CNTNAP5: variants seen among roughly 807,000 people sequenced by gnomAD.
CNTNAP5 encodes the protein contactin associated protein family member 5, also known as contactin-associated protein-like 5.
CNTNAP5 carries 72 observed loss-of-function variants against 150.2 expected under a neutral mutation model. The ratio of observed to expected loss-of-function variants is 0.48; its 90% CI spans 0.40 to 0.58. The LOEUF (loss-of-function observed/expected upper bound fraction) is 0.58, where lower values mean the gene tolerates loss of function less well. Among genes scored for constraint, CNTNAP5 ranks in the 20% least tolerant of loss-of-function variants. The pLI is 0.00. For synonymous variants in CNTNAP5, 672 were observed against 619.8 expected (o/e 1.08, Z -1.25); for missense variants, 1,636 against 1,626.2 (o/e 1.01, Z -0.10).
At chr2:124,670,323 A>G (rs945868859) in intron 13 of CNTNAP5, among the ~76,000 whole-genome samples, 4 of 151,742 alleles carry the variant, frequency 2.6e-5, no homozygotes, top group Admixed American at 2.6e-4. Flanking sequence ...CTAATAATTA[A>G]TGATGTCAGG....
intron 1 of CNTNAP5, among the ~76,000 whole-genome samples, chr2:124,125,879 C>A (rs900542200): frequency 1.3e-5 from 2 of 152,112 alleles, no homozygotes; most frequent in Non-Finnish European, 2.9e-5. Context: ...AAAAAAGACA[C>A]AACATACCAG....
intron 3 of CNTNAP5, among the ~76,000 whole-genome samples, chr2:124,340,317 T>C (rs1213186164): frequency 2.6e-5 from 4 of 152,162 alleles, no homozygotes; most frequent in African/African-American, 7.2e-5. Context: ...TGAAGATGGT[T>C]TCATGTGCAC....
intron 3 of CNTNAP5, among the ~76,000 whole-genome samples, chr2:124,391,760 C>A (rs1691115152): frequency 3.3e-5 from 5 of 152,126 alleles, no homozygotes; most frequent in Admixed American, 3.3e-4. Flanking sequence ...TCGAGACCAT[C>A]CTGGCTAACA....
chr2:124,280,051 A>G (rs1022352858), intron 3 of CNTNAP5, among the ~76,000 whole-genome samples: 2 of 152,096 alleles, frequency 1.3e-5, no homozygotes, highest in Admixed American at 6.6e-5. Flanking sequence ...TCTCAACTAT[A>G]TCAGAAAATT....
intron 14 of CNTNAP5, among the ~76,000 whole-genome samples, chr2:124,762,889 G>A (rs1476180503): frequency 6.6e-6 from 1 of 151,842 alleles, no homozygotes; most frequent in Non-Finnish European, 1.5e-5. Context: ...ATTTTTTTGG[G>A]GGAAAAATAC....
chr2:124,396,004 C>T (rs1034263263), intron 3 of CNTNAP5, among the ~76,000 whole-genome samples: 1 of 152,106 alleles, frequency 6.6e-6, no homozygotes, highest in African/African-American at 2.4e-5. Context: ...GCACCAAGAC[C>T]CTAAAACAAG....
intron 19 of CNTNAP5, among the ~76,000 whole-genome samples, chr2:124,821,242 A>G (rs1267632635): frequency 1.3e-5 from 2 of 152,222 alleles, no homozygotes; most frequent in African/African-American, 4.8e-5. Context: ...ACAGAAAACT[A>G]AGGAGAAAAA....
chr2:124,178,256 T>C (rs974155899), intron 1 of CNTNAP5, among the ~76,000 whole-genome samples: 2 of 152,196 alleles, frequency 1.3e-5, no homozygotes, highest in Non-Finnish European at 2.9e-5. Context: ...TTTCTTTCAG[T>C]TGAACTCACT....
At chr2:124,123,572 G>A (rs947583876) in intron 1 of CNTNAP5, among the ~76,000 whole-genome samples, 20 of 152,148 alleles carry the variant, frequency 1.3e-4, no homozygotes, top group Admixed American at 1.3e-3. Context: ...TCCCAACATG[G>A]AGTTTGAGAT....
intron 21 of CNTNAP5, among the ~76,000 whole-genome samples, chr2:124,878,432 C>T (rs1461257129): frequency 6.6e-6 from 1 of 152,008 alleles, no homozygotes; most frequent in African/African-American, 2.4e-5. Context: ...CATTTAATAA[C>T]AGCTCAGTAA....
chr2:124,521,762 T>A (rs995173832), intron 8 of CNTNAP5, among the ~76,000 whole-genome samples: 1 of 152,162 alleles, frequency 6.6e-6, no homozygotes, highest in East Asian at 1.9e-4. Context: ...TGTATTCAAA[T>A]GAGTATGCAA....
At chr2:124,372,471 A>G (rs115826079) in intron 3 of CNTNAP5, among the ~76,000 whole-genome samples, 1,608 of 152,204 alleles carry the variant, frequency 0.011, 9 homozygotes, top group Non-Finnish European at 0.016. Context: ...AACCTGACTA[A>G]TACGGAAGGA....
intron 3 of CNTNAP5, among the ~76,000 whole-genome samples, chr2:124,284,362 G>C (rs2104626452): frequency 6.6e-6 from 1 of 152,272 alleles, no homozygotes; most frequent in Middle Eastern, 3.4e-3. Context: ...TCAATCATGA[G>C]AAGAGTTGGG....
intron 19 of CNTNAP5, among the ~76,000 whole-genome samples, chr2:124,848,089 A>G (rs1013868005): frequency 1.3e-5 from 2 of 151,886 alleles, no homozygotes; most frequent in Non-Finnish European, 2.9e-5. Context: ...ACCACAATCA[A>G]AAAAACACAT....
chr2:124,709,488 C>T (rs1416857952), intron 13 of CNTNAP5, among the ~76,000 whole-genome samples: 1 of 151,924 alleles, frequency 6.6e-6, no homozygotes, highest in Admixed American at 6.6e-5. Context: ...AAGAGGGAAC[C>T]ATTAATGAGT....
intron 2 of CNTNAP5, among the ~76,000 whole-genome samples, chr2:124,239,127 A>G (rs1686821249): frequency 6.6e-6 from 1 of 152,178 alleles, no homozygotes; most frequent in East Asian, 1.9e-4. Flanking sequence ...ACTGTGGGAA[A>G]AAGGGAGCTA....
In CNTNAP5 at chr2:124,527,427, A is replaced by G. The variant is rs767492832; in HGVS notation, c.1620A>G (p.Leu540=). The change falls in exon 10 of 24, where the codon TTA becomes TTG. Residue 540 remains leucine (L), a synonymous_variant. Transcript: ENST00000682447. Reference sequence around the variant, plus strand: ...GTTCCCTGGGGAATTTTAGTGATTTACACATTGATCTGTGTAGCATCAAAG... The same window carrying G: ...GTTCCCTGGGGAATTTTAGTGATTTGCACATTGATCTGTGTAGCATCAAAG... The part of the protein sequence containing the change: ...QQGSLGNFSD[L]HIDLCSIKDR... 38 of 1,613,620 alleles carry G rather than the reference A, an allele frequency of 2.4e-5. 1 individual carries two copies. The South Asian group carries it at 2.4e-4, about 10-fold the overall frequency.
intron 1 of CNTNAP5, among the ~76,000 whole-genome samples, chr2:124,096,138 C>T (rs1682928420): frequency 6.6e-6 from 1 of 151,996 alleles, no homozygotes; most frequent in South Asian, 2.1e-4. Flanking sequence ...GTAATTACAC[C>T]CCACTATTGC....
At chr2:124,085,430 T>G (rs1682663865) in intron 1 of CNTNAP5, among the ~76,000 whole-genome samples, 1 of 152,104 alleles carries the variant, frequency 6.6e-6, no homozygotes, top group Admixed American at 6.5e-5. Flanking sequence ...TCTCTTTCCT[T>G]TGTCAGTTTT....
Sources: gnomAD v4.1 joint callset for allele counts (sites outside exome capture counted in the v4.1 genomes callset) on GRCh38, gnomAD v4.1.1 for gene constraint, MANE v1.5 for transcripts, NCBI Gene and HGNC (gene_info 2026-07-23, HGNC 2026-07-21) for gene names.